DCC: variants seen among roughly 807,000 people sequenced by gnomAD.
The protein encoded by DCC is netrin receptor DCC.
Under a neutral mutation model 172.5 loss-of-function variants are expected in DCC, and 58 were observed. The ratio of observed to expected loss-of-function variants is 0.34; its 90% CI spans 0.27 to 0.42. The LOEUF (loss-of-function observed/expected upper bound fraction) is 0.42. Among genes scored for constraint, DCC ranks in the 10% least tolerant of loss-of-function variants. DCC has a pLI of 1.00. For missense variants in DCC, 1,740 were observed against 1,791.0 expected, an observed-to-expected ratio of 0.97 and a Z score of 0.51; for synonymous variants, 709 against 644.5, an observed-to-expected ratio of 1.10 and a Z score of -1.52.
chr18:52,732,977 T>C (rs1346595126), intron 1 of DCC, among the ~76,000 whole-genome samples: 2 of 152,148 alleles, frequency 1.3e-5, no homozygotes, highest in Non-Finnish European at 1.5e-5. Flanking sequence ...AGTTAATAAT[T>C]AATGTAACCA....
chr18:53,366,489 A>G (rs2058006260), intron 15 of DCC, among the ~76,000 whole-genome samples: 1 of 152,204 alleles, frequency 6.6e-6, no homozygotes, highest in Non-Finnish European at 1.5e-5. Context: ...AAATAAAATA[A>G]AGAAATGGCC....
intron 18 of DCC, among the ~76,000 whole-genome samples, chr18:53,400,470 A>G (rs1298859006): frequency 6.6e-6 from 1 of 152,146 alleles, no homozygotes; most frequent in Non-Finnish European, 1.5e-5. Context: ...TAATCCAAAG[A>G]GAATGGGTAG....
chr18:52,620,759 T>A (rs1449703500), intron 1 of DCC, among the ~76,000 whole-genome samples: 1 of 152,186 alleles, frequency 6.6e-6, no homozygotes, highest in Non-Finnish European at 1.5e-5. Context: ...GTAACCATAA[T>A]ATGTGGCCTT....
At chr18:52,627,607 A>G (rs1477641946) in intron 1 of DCC, among the ~76,000 whole-genome samples, 2 of 152,240 alleles carry the variant, frequency 1.3e-5, no homozygotes, top group South Asian at 2.1e-4. Context: ...GCAGAGAACA[A>G]CTTCTTTCTG....
intron 1 of DCC, among the ~76,000 whole-genome samples, chr18:52,540,772 AATTTTTTGT>A (rs991314346): frequency 2.6e-5 from 4 of 151,696 alleles, no homozygotes; most frequent in Non-Finnish European, 5.9e-5. Context: ...ACGCCCAGCT[AATTTTTTGT>A]ATTTTTAGTA....
chr18:53,229,202 A>G (rs2056085978), intron 12 of DCC, among the ~76,000 whole-genome samples: 1 of 152,174 alleles, frequency 6.6e-6, no homozygotes, highest in South Asian at 2.1e-4. Flanking sequence ...TTTTAAAAAC[A>G]AAGATTTATG....
chr18:53,457,651 G>T (rs552071155), intron 23 of DCC, among the ~76,000 whole-genome samples: 1 of 152,280 alleles, frequency 6.6e-6, no homozygotes, highest in South Asian at 2.1e-4. Flanking sequence ...AGATCAGTTT[G>T]CCGTGGGCAA....
intron 12 of DCC, among the ~76,000 whole-genome samples, chr18:53,301,026 CTTTT>C (rs1372690614): frequency 7.8e-5 from 3 of 38,486 alleles, no homozygotes; most frequent in African/African-American, 1.6e-4. Flanking sequence ...TCTTTCTTTT[CTTTT>C]TCTTTTTCTT....
chr18:52,485,335 T>C (rs2030165494), intron 1 of DCC, among the ~76,000 whole-genome samples: 4 of 152,126 alleles, frequency 2.6e-5, no homozygotes, highest in Admixed American at 2.6e-4. Flanking sequence ...AGGCAGATAC[T>C]TGCAGATTAA....
chr18:52,848,290 T>G lies in DCC; in HGVS notation c.413-57754T>G, dbSNP rs1255691782. ...TTGGTAAAGATGGGGTTTTGCCATG[T>G]TGGCCAGGCTAGTCTCAAACTTCTG... On this transcript the variant is annotated intron_variant, in intron 2 of 28. Coordinates refer to ENST00000442544, the MANE Select transcript of DCC (RefSeq NM_005215.4). 1.3e-4 allele frequency among the ~76,000 whole-genome samples: 20 copies of G among 152,080 alleles called. 1 individual carries two copies. Among genetic ancestry groups the G allele is most frequent in the Non-Finnish European group, 2.9e-5 (2 of 68,030 alleles).
At chr18:52,622,416 G>C (rs1409827798) in intron 1 of DCC, among the ~76,000 whole-genome samples, 1 of 152,132 alleles carries the variant, frequency 6.6e-6, no homozygotes, top group Admixed American at 6.5e-5. Context: ...CGGTAGTCCG[G>C]ACTGGGTCCC....
intron 1 of DCC, among the ~76,000 whole-genome samples, chr18:52,432,995 A>G (rs1987675538): frequency 6.6e-6 from 1 of 152,216 alleles, no homozygotes; most frequent in Non-Finnish European, 1.5e-5. Context: ...AAAACAACAA[A>G]GAATCTGAAG....
Position 52,542,266 on chromosome 18 carries a change from G to GA in DCC, c.91+201396dup, listed in dbSNP as rs544378899. On this transcript the variant is annotated intron_variant, in intron 1 of 28. Transcript: ENST00000442544. ...CAATAGTAGCCACTCGAAAAATGCT[G>GA]AAAAAAAATAAATGAGTGTAAATGT... is the stretch of plus-strand genomic sequence containing the variant. 4.7e-3 allele frequency among the ~76,000 whole-genome samples: 708 copies of GA among 151,242 alleles called. 2 individuals are homozygous for GA. The highest frequency in any genetic ancestry group is 7.1e-3 in the Non-Finnish European group (479 of 67,800).
intron 25 of DCC, among the ~76,000 whole-genome samples, chr18:53,482,159 A>T (rs767081086): frequency 6.6e-6 from 1 of 152,168 alleles, no homozygotes; most frequent in Non-Finnish European, 1.5e-5. Flanking sequence ...TGTTTTATCC[A>T]ACTTACTTTA....
chr18:52,410,197 G>A (rs1206096708), intron 1 of DCC, among the ~76,000 whole-genome samples: 1 of 152,154 alleles, frequency 6.6e-6, no homozygotes, highest in East Asian at 1.9e-4. Flanking sequence ...GCTGAGGCAG[G>A]AGGATTGCAT....
intron 7 of DCC, among the ~76,000 whole-genome samples, chr18:53,097,764 G>T (rs1424465712): frequency 6.6e-6 from 1 of 152,060 alleles, no homozygotes; most frequent in Non-Finnish European, 1.5e-5. Context: ...TCTGCAGAAG[G>T]CCACCTTCTT....
At chr18:52,919,556 A>G (rs2040088965) in intron 3 of DCC, among the ~76,000 whole-genome samples, 2 of 152,294 alleles carry the variant, frequency 1.3e-5, no homozygotes, top group South Asian at 4.1e-4. Context: ...GGTAACAAAC[A>G]TCACTGAAAT....
chr18:52,923,878 T>C (rs887770343), intron 4 of DCC, 21 bp downstream of exon 4: 3 of 1,592,770 alleles, frequency 1.9e-6, no homozygotes, highest in South Asian at 1.1e-5. Context: ...TTTAAGACTT[T>C]TTTGTAAAGT....
At chr18:52,897,864 T>TA (rs11444629) in intron 2 of DCC, among the ~76,000 whole-genome samples, 60,226 of 151,868 alleles carry the variant, frequency 0.4, 12,537 homozygotes, top group Non-Finnish European at 0.47. Flanking sequence ...AGTGGGAGAA[T>TA]AAAAAAAGGG....
Sources: gnomAD v4.1 joint callset for allele counts (sites outside exome capture counted in the v4.1 genomes callset) on GRCh38, gnomAD v4.1.1 for gene constraint, MANE v1.5 for transcripts, NCBI Gene and HGNC (gene_info 2026-07-23, HGNC 2026-07-21) for gene names.